TRMT2B: variants seen among roughly 807,000 people sequenced by gnomAD.
TRMT2B encodes the protein tRNA (uracil-5-)-methyltransferase homolog B.
A neutral mutation model predicts 39.7 loss-of-function variants in TRMT2B; 34 were observed. The ratio of observed to expected loss-of-function variants is 0.86; its 90% CI spans 0.65 to 1.14. TRMT2B has a LOEUF of 1.14. Ranked by LOEUF, TRMT2B falls within the 50% of genes most tolerant of loss-of-function variation. The pLI is 0.00. For synonymous variants in TRMT2B, 132 were observed against 137.3 expected, an observed-to-expected ratio of 0.96 and a Z score of 0.27; for missense variants, 318 against 377.2, an observed-to-expected ratio of 0.84 and a Z score of 1.30.
At chrX:101,018,466 G>A (rs1488635182) in intron 13 of TRMT2B, among the ~76,000 whole-genome samples, 8 of 103,584 alleles carry the variant, frequency 7.7e-5, no homozygotes, top group Non-Finnish European at 3.9e-5. Context: ...TTTCTGAGAC[G>A]GAGTCTCTCT....
rs949675399 is a variant in TRMT2B at position 101,010,272 on chromosome X, C to G, written c.*309G>C. ...ACCAAAAATACAAAAATTAGCCGGG[C>G]ATGGTGGCACGCACCTTTAATCCTA... On this transcript the variant is annotated 3_prime_UTR_variant, in exon 14 of 14. Coordinates refer to ENST00000372936, the MANE Select transcript of TRMT2B (RefSeq NM_024917.6). 1 of 176,710 alleles carries G rather than the reference C, an allele frequency of 5.7e-6. No homozygotes were observed. The highest frequency in any genetic ancestry group is 1.1e-5 in the Non-Finnish European group (1 of 94,399). The allele number at this position is 176,710 out of a possible 1,213,427, so 14.6% of individuals were successfully genotyped here.
At chrX:101,037,152 A>G in intron 5 of TRMT2B, 79 bp from the exon 6 acceptor site, 1 of 788,639 alleles carries the variant, frequency 1.3e-6, no homozygotes. Flanking sequence ...GAAAGCAGGA[A>G]TGTTCTCTGG....
At chrX:101,029,497 T>C (rs915975092) in intron 7 of TRMT2B, among the ~76,000 whole-genome samples, 1 of 111,573 alleles carries the variant, frequency 9.0e-6, no homozygotes, top group African/African-American at 3.2e-5. Flanking sequence ...CTCCTTACTC[T>C]ATTTTTTCCC....
intron 13 of TRMT2B, among the ~76,000 whole-genome samples, chrX:101,016,087 CA>C (rs754447251): frequency 9.0e-6 from 1 of 111,355 alleles, no homozygotes; most frequent in East Asian, 2.8e-4. Context: ...CAAAACAAAA[CA>C]AAAAAACAAT....
At chrX:101,023,448 C>T in intron 8 of TRMT2B, 22 bp downstream of exon 8, 2 of 1,200,117 alleles carry the variant, frequency 1.7e-6, no homozygotes, top group Non-Finnish European at 2.3e-6. Flanking sequence ...GTTAAGGTTG[C>T]TTAACATCTT....
chrX:101,022,432 C>A (rs1453249591), intron 8 of TRMT2B, among the ~76,000 whole-genome samples: 1 of 110,703 alleles, frequency 9.0e-6, no homozygotes, highest in Non-Finnish European at 1.9e-5. Flanking sequence ...ACCAGCCTGG[C>A]CAACATGGTG....
the TRMT2B span, among the ~76,000 whole-genome samples, chrX:100,995,943 ACTC>A: frequency 1.8e-5 from 2 of 110,451 alleles, no homozygotes; most frequent in Non-Finnish European, 3.8e-5. Flanking sequence ...CACACCCCCT[ACTC>A]CAACACATTC....
chrX:100,986,242 G>A, the TRMT2B span, among the ~76,000 whole-genome samples: 1 of 111,701 alleles, frequency 9.0e-6, no homozygotes, highest in African/African-American at 3.2e-5. Flanking sequence ...ATCTTTTCTG[G>A]TTTCGGTCTC....
the TRMT2B span, among the ~76,000 whole-genome samples, chrX:100,999,557 T>C: frequency 8.9e-6 from 1 of 112,252 alleles, no homozygotes; most frequent in African/African-American, 3.2e-5. Flanking sequence ...AATACCATAA[T>C]ACTGTACTTC....
At chrX:101,021,803 C>T (rs1326432151) in intron 9 of TRMT2B, among the ~76,000 whole-genome samples, 165 bp downstream of exon 9, 1 of 112,252 alleles carries the variant, frequency 8.9e-6, no homozygotes, top group Non-Finnish European at 1.9e-5. Flanking sequence ...TCCATGTGGA[C>T]ACTCTCACAT....
intron 7 of TRMT2B, among the ~76,000 whole-genome samples, chrX:101,026,767 A>G (rs2087116700): frequency 8.9e-6 from 1 of 111,747 alleles, no homozygotes; most frequent in Non-Finnish European, 1.9e-5. Flanking sequence ...CTAAAATGAA[A>G]CAAAGGAATT....
At position 101,023,614 on chromosome X, in the gene TRMT2B, G is replaced by A; in HGVS notation, c.612C>T (p.Tyr204=). 8.4e-7 allele frequency: 1 copy of A among 1,193,827 alleles called. No individual in the cohort carries two copies. ...GAGACTGTCGAAGGAATACTTCATA[G>A]TACTAGGAAGAGAACCGAATTATTA... is the stretch of plus-strand genomic sequence containing the variant. The part of the protein sequence containing the change: ...IPEKHSQVAQ[Y]YEVFLRQSPL... Residue 204 remains tyrosine, a splice_region_variant and synonymous_variant, in exon 8 of 14, where the codon TAC becomes TAT. Coordinates refer to ENST00000372936, the MANE Select transcript of TRMT2B (RefSeq NM_024917.6).
the TRMT2B span, chrX:100,985,573 C>A: frequency 5.7e-5 from 58 of 1,025,515 alleles, no homozygotes; most frequent in East Asian, 1.8e-3. Flanking sequence ...GCAGGATAGA[C>A]AACTGCATGA....
At position 101,010,586 on chromosome X, in the gene TRMT2B, G is replaced by A. The variant is rs762593470; in HGVS notation, c.1510C>T (p.Arg504Ter). Residue 504 changes from arginine to a stop codon, truncating the protein, a stop_gained, in exon 14 of 14, where the codon CGA becomes TGA. Transcript: ENST00000372936. LOFTEE classifies it high-confidence loss of function. ...PHCELVLLFT[R>*] is the part of the protein sequence containing the mutation. Reference sequence around the variant, plus strand: ...GCTGTCTTCTAGGAGGCTGCTTATCGAGTAAAGAGGAGCACCAGCTCACAA... The same window carrying A: ...GCTGTCTTCTAGGAGGCTGCTTATCAAGTAAAGAGGAGCACCAGCTCACAA... The A allele has an allele frequency of 5.0e-6, 6 of 1,210,690 alleles. No individual in the cohort carries two copies. The East Asian group carries it at 1.8e-4, about 36-fold the overall frequency.
intron 11 of TRMT2B, among the ~76,000 whole-genome samples, chrX:101,019,793 C>T (rs940284419): frequency 3.7e-4 from 40 of 109,028 alleles, no homozygotes; most frequent in Admixed American, 2.4e-3. Context: ...CCACCACGAC[C>T]GGCTAATTTT....
Position 101,010,569 on chromosome X carries a change from C to T in TRMT2B, c.*12G>A, listed in dbSNP as rs1175876250. On this transcript the variant is annotated 3_prime_UTR_variant, in exon 14 of 14. Coordinates refer to ENST00000372936, the MANE Select transcript of TRMT2B (RefSeq NM_024917.6). ...GCCTTAACAAATAGCCTGCTGTCTT[C>T]TAGGAGGCTGCTTATCGAGTAAAGA... 8.3e-7 allele frequency: 1 copy of T among 1,208,764 alleles called. No individual in the cohort carries two copies. The highest frequency in any genetic ancestry group is 1.8e-5 in the African/African-American group (1 of 57,062).
At chrX:101,001,432 C>T in the TRMT2B span, among the ~76,000 whole-genome samples, 447 of 109,791 alleles carry the variant, frequency 4.1e-3, 8 homozygotes, top group Middle Eastern at 0.014. Flanking sequence ...ATGGAGGTCT[C>T]GCTATGTTGA....
chrX:100,989,323 T>G, the TRMT2B span, among the ~76,000 whole-genome samples: 1 of 111,555 alleles, frequency 9.0e-6, no homozygotes, highest in South Asian at 3.7e-4. Flanking sequence ...AGAAATTTTC[T>G]CTTTTTGGCC....
At chrX:101,017,174 G>GA (rs545593617) in intron 13 of TRMT2B, among the ~76,000 whole-genome samples, 25 of 107,463 alleles carry the variant, frequency 2.3e-4, no homozygotes, top group Admixed American at 1.9e-3. Context: ...TCCGTCTCAG[G>GA]AAAAAAAAAA....
Sources: allele counts gnomAD v4.1 joint callset (sites outside exome capture counted in the v4.1 genomes callset), GRCh38; gene constraint gnomAD v4.1.1; transcripts MANE v1.5; gene names NCBI Gene and HGNC (gene_info 2026-07-23, HGNC 2026-07-21).